Variants in CYP11B2 observed in about 807,000 individuals in gnomAD.
CYP11B2 encodes the protein cytochrome P450 11B2, mitochondrial.
CYP11B2 carries 38 observed loss-of-function variants against 49.3 expected under a neutral mutation model. The ratio of observed to expected loss-of-function variants is 0.77; its 90% CI spans 0.59 to 1.01. The LOEUF is 1.01. CYP11B2 is among the 50% of genes least tolerant of loss of function. The pLI is 0.00. For synonymous variants in CYP11B2, 290 were observed against 269.3 expected (o/e 1.08, Z -0.75); for missense variants, 669 against 655.5 (o/e 1.02, Z -0.23).
At chr8:142,914,107 A>T (rs1817591720) in intron 5 of CYP11B2, 157 bp downstream of exon 5, 6 of 828,560 alleles carry the variant, frequency 7.2e-6, no homozygotes. Context: ...TGCAAATCTC[A>T]TCCCTTAACA....
At position 142,917,049 on chromosome 8, in the gene CYP11B2, C is replaced by A. The variant is rs193166276; in HGVS notation, c.395+10G>T. 2 of 1,614,052 alleles carry A rather than the reference C, an allele frequency of 1.2e-6. No homozygotes were observed. On this transcript the variant is annotated intron_variant, in intron 2 of 8. Coordinates refer to ENST00000323110, the MANE Select transcript of CYP11B2 (RefSeq NM_000498.3). ...TGCTCCCAGCTCTCAGCTCCCAACT[C>A]GCCGCTTACAACAAGAACACGCCAC...
At chr8:142,913,018 T>C in intron 6 of CYP11B2, 133 bp from the exon 7 acceptor site, 1 of 958,790 alleles carries the variant, frequency 1.0e-6, no homozygotes, top group East Asian at 2.6e-5. Context: ...AGTACTTCCT[T>C]GCACCTGCTG....
rs529739199 is a variant in CYP11B2 at position 142,914,052 on chromosome 8, G to A, written c.954+212C>T. The A allele has an allele frequency of 7.2e-4, 495 of 682,820 alleles. 7 individuals are homozygous for A. The South Asian group carries it at 7.3e-3, about 10-fold the overall frequency. The allele number at this position is 682,820 out of a possible 1,614,324, so 42.3% of individuals were successfully genotyped here. On this transcript the variant is annotated intron_variant, in intron 5 of 8. Coordinates refer to ENST00000323110, the MANE Select transcript of CYP11B2 (RefSeq NM_000498.3). Reference sequence around the variant, plus strand: ...AGCATGGATCCCCACACAGGTAACTGCAAACTCAGTCTCATGTGAGGGGGA... The same window carrying A: ...AGCATGGATCCCCACACAGGTAACTACAAACTCAGTCTCATGTGAGGGGGA...
rs779828868 is a variant in CYP11B2 at position 142,912,062 on chromosome 8, G to A, written c.1430C>T (p.Thr477Ile). 1 of 1,614,098 alleles carries A rather than the reference G, an allele frequency of 6.2e-7. No individual in the cohort carries two copies. Among genetic ancestry groups the A allele is most frequent in the Non-Finnish European group, 8.5e-7 (1 of 1,179,980 alleles). ...GTAGACCATCTTTATGTCCTCTTGA[G>A]TTAGTGTCTCCACCAGGAAGTGCTT... ...VLKHFLVETL[T>I]QEDIKMVYSF... Residue 477 changes from threonine (T) to isoleucine (I), a missense_variant, in exon 9 of 9, where the codon ACT (threonine) becomes ATT (isoleucine). By Grantham distance (89) the Thr-to-Ile change is moderately conservative. Coordinates refer to ENST00000323110, the MANE Select transcript of CYP11B2 (RefSeq NM_000498.3).
At chr8:142,914,958 C>T (rs1474254224) in intron 3 of CYP11B2, 50 bp from the exon 4 acceptor site, 10 of 1,609,956 alleles carry the variant, frequency 6.2e-6, no homozygotes, top group Non-Finnish European at 8.5e-6. Flanking sequence ...GGCCTCCTGG[C>T]TGCCTCCCCA....
intron 6 of CYP11B2, 118 bp from the exon 7 acceptor site, chr8:142,913,003 T>G: frequency 1.8e-6 from 2 of 1,104,280 alleles, no homozygotes; most frequent in Non-Finnish European, 2.7e-6. Flanking sequence ...GCCCAGGTCG[T>G]AGGAAGTACT....
At position 142,915,277 on chromosome 8, in the gene CYP11B2, G is replaced by A. The variant is rs568259093; in HGVS notation, c.396-32C>T. On this transcript the variant is annotated intron_variant, in intron 2 of 8. Transcript: ENST00000323110. ...AGGCCAGGGCAGAGCTTGTGAGGCC[G>A]CCCCAGCAAGACACAGGCCCTGACC... 8.0e-5 allele frequency: 125 copies of A among 1,557,874 alleles called. 1 individual carries two copies. Among genetic ancestry groups the A allele is most frequent in the Middle Eastern group, 1.8e-4 (1 of 5,492 alleles).
At chr8:142,914,085 T>G in intron 5 of CYP11B2, 179 bp downstream of exon 5, 1 of 746,284 alleles carries the variant, frequency 1.3e-6, no homozygotes, top group Non-Finnish European at 2.4e-6. Flanking sequence ...GGAGCTCACA[T>G]TTCCCCTCCC....
chr8:142,913,834 C>T (rs1368464663), intron 5 of CYP11B2: 4 of 457,560 alleles, frequency 8.7e-6, no homozygotes, highest in Non-Finnish European at 1.7e-5. Flanking sequence ...GCCTGTGCTG[C>T]TGTCTTCCCC....
rs188195644 is a variant in CYP11B2, at chr8:142,917,002, C to G, written c.395+57G>C. 37 of 1,603,098 alleles carry G rather than the reference C, an allele frequency of 2.3e-5. 1 individual carries two copies. The Middle Eastern group carries it at 5.0e-4, about 22-fold the overall frequency. On this transcript the variant is annotated intron_variant, in intron 2 of 8. Transcript: ENST00000323110. ...TGGGTCCTACCTCTCTCGCCTCCCCCCTACACCCAGGCTGCCCACCCTGCT... is the reference window on the plus strand; with the variant it reads ...TGGGTCCTACCTCTCTCGCCTCCCCGCTACACCCAGGCTGCCCACCCTGCT...
chr8:142,912,457 G>T, intron 8 of CYP11B2, 73 bp downstream of exon 8: 1 of 1,513,882 alleles, frequency 6.6e-7, no homozygotes. Flanking sequence ...ATCACACCAT[G>T]CAAGCCCCGC....
chr8:142,916,285 C>A (rs1407703783), intron 2 of CYP11B2: 2 of 399,746 alleles, frequency 5.0e-6, no homozygotes, highest in Admixed American at 2.7e-5. Context: ...AAGGCCCCGA[C>A]CCACGGGTGC....
rs762371852 is a variant in CYP11B2 at position 142,915,054 on chromosome 8, G to T, written c.587C>A (p.Thr196Asn). The T allele has an allele frequency of 3.7e-6, 6 of 1,613,848 alleles. No individual in the cohort carries two copies. In the South Asian group the frequency reaches 6.6e-5, roughly 18 times the overall value. Residue 196 changes from threonine to asparagine, a missense_variant, in exon 3 of 9, where the codon ACC (threonine) becomes AAC (asparagine). Transcript: ENST00000323110. ...TCCCGCATGGCCCACACCTTCTATGGTGTAGTGGAAGATGCTGGGCTGGAC... is the reference window on the plus strand; with the variant it reads ...TCCCGCATGGCCCACACCTTCTATGTTGTAGTGGAAGATGCTGGGCTGGAC... ...LDVQPSIFHY[T>N]IEASNLALFG... is the part of the protein sequence containing the mutation.
rs1817536519 is a variant in CYP11B2 at position 142,911,614 on chromosome 8, C to G, written c.*366G>C. On this transcript the variant is annotated 3_prime_UTR_variant, in exon 9 of 9. Transcript: ENST00000323110. ...GCGAGAGGGACAGGGACATGTGAGACTAGGCAGGAAGGCAAGGGACAAAAT... is the reference window on the plus strand; with the variant it reads ...GCGAGAGGGACAGGGACATGTGAGAGTAGGCAGGAAGGCAAGGGACAAAAT... 1 of 323,348 alleles carries G rather than the reference C, an allele frequency of 3.1e-6. No homozygotes were observed. The highest frequency in any genetic ancestry group is 4.0e-5 in the Admixed American group (1 of 24,700). The allele number at this position is 323,348 out of a possible 1,614,324, so 20.0% of individuals were successfully genotyped here. A position where few individuals can be genotyped will look rare whatever the true frequency, so the allele number is the denominator to read the frequency against.
rs1360533943 is a variant in CYP11B2, at chr8:142,914,645, G to A, written c.799+60C>T. ...CATTCCCCACTGGGTGGTGGAGAAGGAGAAATTGGGCCCCCATGGTGTCCC... is the reference window on the plus strand; with the variant it reads ...CATTCCCCACTGGGTGGTGGAGAAGAAGAAATTGGGCCCCCATGGTGTCCC... On this transcript the variant is annotated intron_variant, in intron 4 of 8. Coordinates refer to ENST00000323110, the MANE Select transcript of CYP11B2 (RefSeq NM_000498.3). 7 of 1,419,084 alleles carry A rather than the reference G, an allele frequency of 4.9e-6. No homozygotes were observed. In the East Asian group the frequency reaches 1.7e-4, roughly 35 times the overall value. The allele number at this position is 1,419,084 out of a possible 1,614,324, so 87.9% of individuals were successfully genotyped here.
chr8:142,916,510 G>A lies in CYP11B2; in HGVS notation c.395+549C>T, dbSNP rs750692612. 31 of 438,736 alleles carry A rather than the reference G, an allele frequency of 7.1e-5. 1 individual carries two copies. The highest frequency in any genetic ancestry group is 1.2e-4 in the Non-Finnish European group (27 of 218,322). 27.2% of individuals were successfully genotyped at this position (438,736 alleles called of 1,614,324 possible). A position where few individuals can be genotyped will look rare whatever the true frequency, so the allele number is the denominator to read the frequency against. On this transcript the variant is annotated intron_variant, in intron 2 of 8. Transcript: ENST00000323110. The stretch of plus-strand genomic sequence containing the variant: ...AACATCCTCCCCAGTGCCATCAACC[G>A]CCCCACCTTGTGCCTTGCTTCTGAG...
intron 8 of CYP11B2, 88 bp from the exon 9 acceptor site, chr8:142,912,181 T>A: frequency 6.3e-7 from 1 of 1,593,272 alleles, no homozygotes; most frequent in African/African-American, 1.3e-5. Flanking sequence ...GTGCAACAAT[T>A]ATGCTGAAGG....
At chr8:142,912,214 A>C (rs1586573389) in intron 8 of CYP11B2, 121 bp from the exon 9 acceptor site, 1 of 1,522,324 alleles carries the variant, frequency 6.6e-7, no homozygotes, top group Non-Finnish European at 8.9e-7. Flanking sequence ...CTGGGCCCCA[A>C]CCTATCCCAC....
At position 142,913,412 on chromosome 8, in the gene CYP11B2, G is replaced by T; in HGVS notation, c.994C>A (p.Arg332=). 1 of 1,614,016 alleles carries T rather than the reference G, an allele frequency of 6.2e-7. No individual in the cohort carries two copies. Among genetic ancestry groups the T allele is most frequent in the Non-Finnish European group, 8.5e-7 (1 of 1,180,000 alleles). ...PLLMTLFELA[R]NPDVQQILRQ... ...AGGATCTGCTGCACGTCGGGGTTCC[G>T]AGCCAGCTCAAAGAGCGTCATCAGC... The change falls in exon 6 of 9, where the codon CGG becomes AGG. Residue 332 remains arginine, a synonymous_variant. Coordinates refer to ENST00000323110, the MANE Select transcript of CYP11B2 (RefSeq NM_000498.3).
Sources: gnomAD v4.1 joint callset for allele counts on GRCh38, gnomAD v4.1.1 for gene constraint, MANE v1.5 for transcripts, NCBI Gene and HGNC (gene_info 2026-07-23, HGNC 2026-07-21) for gene names.